The following LOC400499 variants were observed in gnomAD, a reference collection of about 807,000 sequenced individuals.
At chr16:11,522,274 A>C in the LOC400499 span, among the ~76,000 whole-genome samples, 2 of 152,296 alleles carry the variant, frequency 1.3e-5, no homozygotes, top group East Asian at 1.9e-4. Flanking sequence ...GCATACCCTC[A>C]TAAGGGTGAA....
At chr16:11,441,054 G>T in the LOC400499 span, 1 of 399,026 alleles carries the variant, frequency 2.5e-6, no homozygotes, top group Non-Finnish European at 4.4e-6. Context: ...TTTCAAAGTG[G>T]CCTCGACCTC....
the LOC400499 span, chr16:11,450,466 G>A: frequency 1.4e-6 from 1 of 727,732 alleles, no homozygotes; most frequent in Non-Finnish European, 2.2e-6. Flanking sequence ...AACTCTGATA[G>A]TTGCAGGCAC....
At chr16:11,440,370 T>C in the LOC400499 span, among the ~76,000 whole-genome samples, 4 of 152,178 alleles carry the variant, frequency 2.6e-5, no homozygotes, top group Non-Finnish European at 5.9e-5. Context: ...TTTCTACCTA[T>C]GGGTCTGGCA....
chr16:11,467,301 TTA>T, the LOC400499 span: 1 of 106,196 alleles, frequency 9.4e-6, no homozygotes, highest in African/African-American at 3.7e-5. Context: ...CCTCACAGAG[TTA>T]AAAAAAAAAA....
chr16:11,474,129 GATTAC>G, the LOC400499 span, among the ~76,000 whole-genome samples: 1 of 152,220 alleles, frequency 6.6e-6, no homozygotes, highest in Non-Finnish European at 1.5e-5. Context: ...GAAGTGTGGG[GATTAC>G]AGGCGTGAGC....
the LOC400499 span, chr16:11,385,030 G>A: frequency 4.1e-6 from 5 of 1,232,192 alleles, no homozygotes; most frequent in Non-Finnish European, 4.0e-6. Flanking sequence ...CCGGACAACT[G>A]TCCCCCGGCA....
the LOC400499 span, chr16:11,461,117 G>C: frequency 6.5e-7 from 1 of 1,533,830 alleles, no homozygotes; most frequent in South Asian, 1.2e-5. Flanking sequence ...CTCTCCAGCA[G>C]TGCTGCAGGG....
chr16:11,506,889 C>T, the LOC400499 span, among the ~76,000 whole-genome samples: 1 of 152,226 alleles, frequency 6.6e-6, no homozygotes, highest in Non-Finnish European at 1.5e-5. Flanking sequence ...GGCCCAGGAG[C>T]TGCTTGGTGT....
At chr16:11,487,962 C>A in the LOC400499 span, among the ~76,000 whole-genome samples, 2 of 151,912 alleles carry the variant, frequency 1.3e-5, no homozygotes, top group Non-Finnish European at 2.9e-5. Context: ...AATAAAAATA[C>A]AAAAATTAGC....
chr16:11,408,350 T>C, the LOC400499 span, among the ~76,000 whole-genome samples: 2 of 152,122 alleles, frequency 1.3e-5, no homozygotes, highest in African/African-American at 4.8e-5. Flanking sequence ...GTCAAAAATG[T>C]TCAGCCTGAA....
the LOC400499 span, chr16:11,411,292 G>C: frequency 2.5e-6 from 1 of 399,466 alleles, no homozygotes; most frequent in East Asian, 3.6e-5. Flanking sequence ...CAGGAGGAAG[G>C]GGAGGCGATG....
the LOC400499 span, among the ~76,000 whole-genome samples, chr16:11,408,451 A>ATTTTTTT: frequency 7.6e-6 from 1 of 131,212 alleles, no homozygotes; most frequent in African/African-American, 2.9e-5. Context: ...TCAGTGCAGG[A>ATTTTTTT]TTTTTTTTTT....
the LOC400499 span, among the ~76,000 whole-genome samples, chr16:11,513,499 T>C: frequency 6.6e-6 from 1 of 152,130 alleles, no homozygotes; most frequent in Non-Finnish European, 1.5e-5. Context: ...TGGCATGATC[T>C]TGGCTCACTG....
chr16:11,404,036 T>C, the LOC400499 span, among the ~76,000 whole-genome samples: 2 of 152,234 alleles, frequency 1.3e-5, no homozygotes, highest in Non-Finnish European at 2.9e-5. Flanking sequence ...AAACCTCATT[T>C]CCAAGTGGGG....
chr16:11,372,795 C>T, the LOC400499 span: 1 of 788,862 alleles, frequency 1.3e-6, no homozygotes, highest in African/African-American at 1.9e-5. Context: ...AGAGGGGCCC[C>T]TGCTGTTTCC....
chr16:11,460,609 A>G, the LOC400499 span: 1 of 1,531,226 alleles, frequency 6.5e-7, no homozygotes, highest in Admixed American at 2.0e-5. Flanking sequence ...GCTTTGCCTG[A>G]CCTGTGTGGA....
chr16:11,468,090 G>GA, the LOC400499 span, among the ~76,000 whole-genome samples: 62 of 145,128 alleles, frequency 4.3e-4, no homozygotes, highest in Admixed American at 6.9e-4. Flanking sequence ...CACAGGTGGG[G>GA]AAAAAAAAAA....
the LOC400499 span, among the ~76,000 whole-genome samples, chr16:11,437,811 G>A: frequency 6.6e-6 from 1 of 152,202 alleles, no homozygotes; most frequent in Non-Finnish European, 1.5e-5. Flanking sequence ...AGAGGTTGCA[G>A]TGAGCCGAGA....
the LOC400499 span, among the ~76,000 whole-genome samples, chr16:11,403,932 C>T: frequency 1.4e-4 from 22 of 152,328 alleles, no homozygotes; most frequent in African/African-American, 3.6e-4. Flanking sequence ...TGAGCTGAGA[C>T]GCTGCATGAC....
Sources: gnomAD v4.1 joint callset for allele counts (sites outside exome capture counted in the v4.1 genomes callset) on GRCh38, gnomAD v4.1.1 for gene constraint, MANE v1.5 for transcripts.